Variants in ROBO2 observed in about 807,000 individuals in gnomAD.
ROBO2 encodes roundabout guidance receptor 2, also known as roundabout homolog 2.
ROBO2 carries 53 observed loss-of-function variants against 160.8 expected under a neutral mutation model. That is an observed-to-expected ratio of 0.33 (90% confidence interval 0.26 to 0.41). ROBO2 has a LOEUF of 0.41. Ranked by LOEUF, ROBO2 falls within the 10% of genes least tolerant of loss-of-function variation. The pLI, the probability that ROBO2 is intolerant of heterozygous loss-of-function variation, is 1.00. For synonymous variants in ROBO2, 664 were observed against 611.7 expected (o/e 1.09, Z -1.26); for missense variants, 1,577 against 1,722.4 (o/e 0.92, Z 1.49).
chr3:76,769,352 GAT>G (rs1422919626), intron 2 of ROBO2, among the ~76,000 whole-genome samples: 1 of 5,634 alleles, frequency 1.8e-4, no homozygotes, highest in African/African-American at 1.1e-3. Flanking sequence ...GTAAATCCCA[GAT>G]GATGATGATG....
intron 2 of ROBO2, among the ~76,000 whole-genome samples, chr3:76,045,938 A>G (rs2067431975): frequency 6.6e-6 from 1 of 151,704 alleles, no homozygotes; most frequent in South Asian, 2.1e-4. Flanking sequence ...GCTTTATGGA[A>G]TGCAGCTGTT....
intron 2 of ROBO2, among the ~76,000 whole-genome samples, chr3:76,057,203 T>C (rs2067879562): frequency 6.6e-6 from 1 of 152,148 alleles, no homozygotes; most frequent in South Asian, 2.1e-4. Context: ...TATGCGGGCT[T>C]ATTCAAATAT....
chr3:77,421,330 G>A (rs2077695173), intron 2 of ROBO2, among the ~76,000 whole-genome samples: 1 of 152,068 alleles, frequency 6.6e-6, no homozygotes, highest in Admixed American at 6.6e-5. Flanking sequence ...AATATCCAGA[G>A]AAGTTTCATT....
intron 1 of ROBO2, among the ~76,000 whole-genome samples, chr3:75,930,381 C>G (rs1221450894): frequency 1.3e-5 from 2 of 152,134 alleles, no homozygotes; most frequent in Non-Finnish European, 2.9e-5. Context: ...ACGTTTTCCT[C>G]CTCAAATGTC....
intron 2 of ROBO2, among the ~76,000 whole-genome samples, chr3:77,425,653 C>T (rs1275556985): frequency 6.8e-6 from 1 of 148,010 alleles, no homozygotes; most frequent in Non-Finnish European, 1.5e-5. Context: ...ACCATGCTAA[C>T]GACTTCAATA....
chr3:76,732,124 T>G (rs2093646649), intron 2 of ROBO2, among the ~76,000 whole-genome samples: 1 of 152,152 alleles, frequency 6.6e-6, no homozygotes, highest in South Asian at 2.1e-4. Context: ...ACTGTGACTT[T>G]GAAAATCAGA....
chr3:76,322,201 T>TATATATATAA (rs1559761559), intron 2 of ROBO2, among the ~76,000 whole-genome samples: 1 of 119,126 alleles, frequency 8.4e-6, no homozygotes, highest in East Asian at 2.3e-4. Context: ...TATATATATA[T>TATATATATAA]ATAATATACA....
chr3:76,956,512 G>C (rs1403981116), intron 2 of ROBO2, among the ~76,000 whole-genome samples: 1 of 149,994 alleles, frequency 6.7e-6, no homozygotes, highest in Non-Finnish European at 1.5e-5. Context: ...AGCCGAGATC[G>C]CGCCACTGCA....
chr3:77,282,439 T>C (rs1451361081), intron 2 of ROBO2, among the ~76,000 whole-genome samples: 1 of 152,116 alleles, frequency 6.6e-6, no homozygotes, highest in Non-Finnish European at 1.5e-5. Context: ...ACAGGTTACT[T>C]CCTTTAGAGG....
At chr3:76,635,743 A>T (rs1225685385) in intron 2 of ROBO2, among the ~76,000 whole-genome samples, 1 of 152,228 alleles carries the variant, frequency 6.6e-6, no homozygotes, top group East Asian at 1.9e-4. Flanking sequence ...GAGCTCAAAA[A>T]CAGGGAGATT....
intron 2 of ROBO2, among the ~76,000 whole-genome samples, chr3:76,244,225 T>G (rs1705479302): frequency 6.6e-6 from 1 of 152,206 alleles, no homozygotes; most frequent in South Asian, 2.1e-4. Flanking sequence ...ACTGCTCAGA[T>G]GTAGCAAAGG....
chr3:77,516,203 C>G (rs1194364924), intron 5 of ROBO2, among the ~76,000 whole-genome samples: 1 of 151,392 alleles, frequency 6.6e-6, no homozygotes, highest in Non-Finnish European at 1.5e-5. Flanking sequence ...AATAATATCC[C>G]AATTTGTGCT....
chr3:76,577,123 C>G (rs2085357901), intron 2 of ROBO2, among the ~76,000 whole-genome samples: 1 of 152,004 alleles, frequency 6.6e-6, no homozygotes, highest in Admixed American at 6.6e-5. Flanking sequence ...GCTTCATACA[C>G]AATCAGAGCA....
At chr3:77,220,848 A>T (rs2085689425) in intron 2 of ROBO2, among the ~76,000 whole-genome samples, 1 of 152,160 alleles carries the variant, frequency 6.6e-6, no homozygotes, top group African/African-American at 2.4e-5. Flanking sequence ...ATTATTGTTG[A>T]ACTCACCTCC....
chr3:77,218,676 A>G (rs950611886), intron 2 of ROBO2, among the ~76,000 whole-genome samples: 7 of 152,114 alleles, frequency 4.6e-5, no homozygotes, highest in Admixed American at 1.3e-4. Context: ...CCGGCCTGAA[A>G]TTATACTTTC....
intron 2 of ROBO2, among the ~76,000 whole-genome samples, chr3:76,700,563 C>T (rs2093026375): frequency 6.6e-6 from 1 of 152,102 alleles, no homozygotes. Context: ...TTGATGAGCT[C>T]ATTTTGAAAA....
intron 1 of ROBO2, among the ~76,000 whole-genome samples, chr3:77,047,391 T>C (rs4074093): frequency 0.52 from 79,776 of 151,978 alleles, 23,372 homozygotes; most frequent in Middle Eastern, 0.67. Context: ...TTTAAAAATA[T>C]AACGATATAT....
intron 10 of ROBO2, 144 bp from the exon 12 acceptor site, chr3:77,563,023 A>C: frequency 1.3e-6 from 1 of 751,338 alleles, no homozygotes. Context: ...AGGAGAAGCA[A>C]ACATTCACTT....
intron 2 of ROBO2, among the ~76,000 whole-genome samples, chr3:77,419,460 A>G (rs984626459): frequency 6.6e-6 from 1 of 152,134 alleles, no homozygotes; most frequent in African/African-American, 2.4e-5. Context: ...GAACATGAGG[A>G]CATATATTAC....
Sources: gnomAD v4.1 joint callset for allele counts (sites outside exome capture counted in the v4.1 genomes callset) on GRCh38, gnomAD v4.1.1 for gene constraint, MANE v1.5 for transcripts, NCBI Gene and HGNC (gene_info 2026-07-23, HGNC 2026-07-21) for gene names.